The following WHRN variants were observed in gnomAD, a reference collection of about 807,000 sequenced individuals.
The protein encoded by WHRN is CASK-interacting protein CIP98.
Under a neutral mutation model 68.3 loss-of-function variants are expected in WHRN, and 41 were observed. The observed-to-expected ratio is 0.60, with a 90% CI of 0.47 to 0.78. WHRN has a LOEUF of 0.78. WHRN is among the 30% of genes least tolerant of loss of function. The pLI, the probability that WHRN is intolerant of heterozygous loss-of-function variation, is 0.00. For missense variants in WHRN, 1,243 were observed against 1,244.7 expected (o/e 1.00, Z 0.02); for synonymous variants, 560 against 561.3 (o/e 1.00, Z 0.03).
chr9:114,414,532 G>A (rs898238826), intron 7 of WHRN, among the ~76,000 whole-genome samples: 8 of 152,308 alleles, frequency 5.3e-5, no homozygotes, highest in Admixed American at 4.6e-4. Flanking sequence ...GATAGCTTGG[G>A]AAGTCCTCAC....
chr9:114,498,558 G>T (rs1288511860), intron 1 of WHRN, among the ~76,000 whole-genome samples: 2 of 152,136 alleles, frequency 1.3e-5, no homozygotes, highest in Non-Finnish European at 1.5e-5. Context: ...TCTACTCGAC[G>T]ATGGAACAGG....
intron 1 of WHRN, among the ~76,000 whole-genome samples, chr9:114,479,536 G>C (rs1469813678): frequency 6.6e-6 from 1 of 152,128 alleles, no homozygotes; most frequent in Non-Finnish European, 1.5e-5. Flanking sequence ...GTCATCTTGG[G>C]GACTCTGATA....
intron 3 of WHRN, among the ~76,000 whole-genome samples, chr9:114,456,523 T>C (rs1001287650): frequency 3.9e-5 from 6 of 152,136 alleles, no homozygotes; most frequent in African/African-American, 1.4e-4. Flanking sequence ...TTTTTCTCCC[T>C]CCTCAAAAGT....
chr9:114,403,886 C>T lies in WHRN; in HGVS notation c.2418+10G>A. Reference sequence around the variant, plus strand: ...TCTCAGCCCTCTGCATCCTCCTCCTCCTGGCTCACCGGTTTGTTGGCCCCA... The same window carrying T: ...TCTCAGCCCTCTGCATCCTCCTCCTTCTGGCTCACCGGTTTGTTGGCCCCA... On this transcript the variant is annotated intron_variant, in intron 10 of 11. Coordinates refer to ENST00000362057, the MANE Select transcript of WHRN (RefSeq NM_015404.4). 1.2e-6 allele frequency: 2 copies of T among 1,610,112 alleles called. No homozygotes were observed. Among genetic ancestry groups the T allele is most frequent in the Non-Finnish European group, 8.5e-7 (1 of 1,180,012 alleles).
chr9:114,502,664 G>A (rs999880482), intron 1 of WHRN, among the ~76,000 whole-genome samples: 1 of 152,116 alleles, frequency 6.6e-6, no homozygotes, highest in Non-Finnish European at 1.5e-5. Flanking sequence ...GAATGCCCAA[G>A]GTAACTGACA....
intron 7 of WHRN, among the ~76,000 whole-genome samples, chr9:114,417,879 T>C (rs1835933897): frequency 6.6e-6 from 1 of 152,250 alleles, no homozygotes. Flanking sequence ...CAGCACCTCC[T>C]GATGCAGAGA....
chr9:114,437,738 C>T (rs909552220), intron 3 of WHRN, among the ~76,000 whole-genome samples: 1 of 152,198 alleles, frequency 6.6e-6, no homozygotes, highest in Non-Finnish European at 1.5e-5. Flanking sequence ...CCCTGGCCTT[C>T]CCAGCCTACA....
At chr9:114,472,871 C>CT (rs1302956126) in intron 2 of WHRN, among the ~76,000 whole-genome samples, 1 of 152,236 alleles carries the variant, frequency 6.6e-6, no homozygotes, top group East Asian at 1.9e-4. Context: ...CCTCACATGG[C>CT]TGGCATGACC....
intron 3 of WHRN, among the ~76,000 whole-genome samples, chr9:114,433,919 G>A (rs1009384990): frequency 3.9e-5 from 6 of 152,130 alleles, no homozygotes; most frequent in Non-Finnish European, 7.4e-5. Flanking sequence ...TGGCAGATCC[G>A]TTGTTAGTAC....
chr9:114,505,387 G>GC lies in WHRN; in HGVS notation c.-587dup, dbSNP rs1465760727. On this transcript the variant is annotated 5_prime_UTR_variant, in exon 1 of 12. Transcript: ENST00000362057. ...GGCATGTCCGGGGCAGCCCCGGGAT[G>GC]CAGCCGCCCGGGGAGCCTCCGCGCC... is the stretch of plus-strand genomic sequence containing the variant. The GC allele has an allele frequency of 6.8e-6, 1 of 146,582 alleles. No homozygotes were observed. Among genetic ancestry groups the GC allele is most frequent in the African/African-American group, 2.5e-5 (1 of 40,274 alleles). The allele number at this position is 146,582 out of a possible 1,614,324, so 9.1% of individuals were successfully genotyped here. A position where few individuals can be genotyped will look rare whatever the true frequency, so the allele number is the denominator to read the frequency against.
intron 2 of WHRN, among the ~76,000 whole-genome samples, chr9:114,467,518 G>A (rs141911426): frequency 8.6e-5 from 13 of 151,984 alleles, no homozygotes; most frequent in Admixed American, 3.9e-4. Flanking sequence ...CAGCCGGCGG[G>A]GGGGAAGGGA....
At chr9:114,427,354 G>A (rs1836970443) in intron 3 of WHRN, among the ~76,000 whole-genome samples, 2 of 152,204 alleles carry the variant, frequency 1.3e-5, no homozygotes, top group Non-Finnish European at 2.9e-5. Context: ...AATAGAAGGG[G>A]TTGAAAGGGA....
At chr9:114,428,813 C>A (rs1837129835) in intron 3 of WHRN, among the ~76,000 whole-genome samples, 2 of 152,018 alleles carry the variant, frequency 1.3e-5, no homozygotes, top group South Asian at 4.2e-4. Flanking sequence ...TCCCGTCCTC[C>A]ACCCCCATCA....
intron 7 of WHRN, among the ~76,000 whole-genome samples, chr9:114,421,571 G>C (rs1836287760): frequency 6.6e-6 from 1 of 152,200 alleles, no homozygotes; most frequent in African/African-American, 2.4e-5. Flanking sequence ...TGATTCTAAA[G>C]GGACCACTGT....
At position 114,473,374 on chromosome 9, in the gene WHRN, C is replaced by T. The variant is rs564135046; in HGVS notation, c.837+5179G>A. On this transcript the variant is annotated intron_variant, in intron 2 of 11. Transcript: ENST00000362057. ...GGATGGAGCCACCACTGTGGCTGTG[C>T]GAGGGCCGGACCCAAAGAGCCAGAG... Among the ~76,000 whole-genome samples the T allele has an allele frequency of 3.9e-5, 6 of 152,192 alleles. No homozygotes were observed. The South Asian group carries it at 6.2e-4, about 16-fold the overall frequency.
At chr9:114,408,323 G>A (rs564587395) in intron 7 of WHRN, among the ~76,000 whole-genome samples, 2 of 152,280 alleles carry the variant, frequency 1.3e-5, no homozygotes, top group South Asian at 2.1e-4. Flanking sequence ...GGCCACGAGC[G>A]CTGTGCTCCA....
At chr9:114,443,755 C>G (rs901997556) in intron 3 of WHRN, among the ~76,000 whole-genome samples, 1 of 152,204 alleles carries the variant, frequency 6.6e-6, no homozygotes, top group African/African-American at 2.4e-5. Flanking sequence ...AATAGCCAAA[C>G]AGAACAGAAT....
chr9:114,408,087 C>T, intron 7 of WHRN, 69 bp from the exon 8 acceptor site: 1 of 1,347,560 alleles, frequency 7.4e-7, no homozygotes, highest in Non-Finnish European at 1.0e-6. Flanking sequence ...TGTTCTCCAG[C>T]ACACCAAAAT....
intron 1 of WHRN, among the ~76,000 whole-genome samples, chr9:114,497,965 A>AG (rs1402874052): frequency 6.6e-6 from 1 of 152,148 alleles, no homozygotes; most frequent in Non-Finnish European, 1.5e-5. Flanking sequence ...ACGGCCACAA[A>AG]GCCAGCTTGG....
Sources: gnomAD v4.1 joint callset for allele counts (sites outside exome capture counted in the v4.1 genomes callset) on GRCh38, gnomAD v4.1.1 for gene constraint, MANE v1.5 for transcripts, NCBI Gene and HGNC (gene_info 2026-07-23, HGNC 2026-07-21) for gene names.